SLC38A9: variants seen among roughly 807,000 people sequenced by gnomAD.
The protein encoded by SLC38A9 is neutral amino acid transporter 9.
Under a neutral mutation model 62.3 loss-of-function variants are expected in SLC38A9, and 48 were observed. That is an observed-to-expected ratio of 0.77 (90% CI 0.61 to 0.98). The LOEUF (loss-of-function observed/expected upper bound fraction) is 0.98, where lower values mean the gene tolerates loss of function less well. Ranked by LOEUF, SLC38A9 falls within the 50% of genes least tolerant of loss-of-function variation. SLC38A9 has a pLI of 0.00. For synonymous variants in SLC38A9, 204 were observed against 227.7 expected (o/e 0.90, Z 0.94); for missense variants, 541 against 679.8 (o/e 0.80, Z 2.27).
chr5:55,629,446 C>T (rs910891358), intron 14 of SLC38A9, among the ~76,000 whole-genome samples: 30 of 152,098 alleles, frequency 2.0e-4, no homozygotes, highest in Admixed American at 1.6e-3. Flanking sequence ...AGGAGTAGAA[C>T]ATTAATTTTG....
chr5:55,690,960 G>A (rs950866444), intron 3 of SLC38A9, among the ~76,000 whole-genome samples: 3 of 152,108 alleles, frequency 2.0e-5, no homozygotes, highest in Non-Finnish European at 2.9e-5. Flanking sequence ...GTACCAAAAA[G>A]AGTCAACTTA....
At chr5:55,645,644 C>T (rs776640721) in intron 12 of SLC38A9, 145 bp downstream of exon 12, 28 of 642,902 alleles carry the variant, frequency 4.4e-5, no homozygotes, top group Non-Finnish European at 6.9e-5. Context: ...AATTTGCTGA[C>T]GACTGCTCTA....
At chr5:55,694,226 C>G in intron 3 of SLC38A9, 1 of 202,782 alleles carries the variant, frequency 4.9e-6, no homozygotes, top group Non-Finnish European at 9.9e-6. Flanking sequence ...AAAAAAAAAT[C>G]ACTGTCAGCA....
At chr5:55,662,462 G>A in intron 8 of SLC38A9, among the ~76,000 whole-genome samples, 1 of 152,052 alleles carries the variant, frequency 6.6e-6, no homozygotes, top group Non-Finnish European at 1.5e-5. Context: ...ACGACGTCAG[G>A]AGATCGAGAC....
chr5:55,683,103 T>C (rs1276831880), intron 3 of SLC38A9, among the ~76,000 whole-genome samples: 1 of 152,140 alleles, frequency 6.6e-6, no homozygotes, highest in Non-Finnish European at 1.5e-5. Context: ...GCATGTAATA[T>C]AAATTTAAAA....
chr5:55,634,072 T>C (rs879509555), intron 13 of SLC38A9, 170 bp from the exon 14 acceptor site: 6 of 462,754 alleles, frequency 1.3e-5, no homozygotes, highest in Admixed American at 3.9e-5. Context: ...GAGGTAAGTA[T>C]AGAAACCGAA....
intron 2 of SLC38A9, among the ~76,000 whole-genome samples, chr5:55,709,387 T>C (rs1216414413): frequency 6.6e-6 from 1 of 152,206 alleles, no homozygotes; most frequent in African/African-American, 2.4e-5. Flanking sequence ...AGTGATTTTT[T>C]TTTTTTAACT....
Position 55,634,120 on chromosome 5 carries a change from C to T in SLC38A9, c.1282-218G>A, listed in dbSNP as rs925916415. 3 of 375,912 alleles carry T rather than the reference C, an allele frequency of 8.0e-6. No homozygotes were observed. The East Asian group carries it at 1.3e-4, about 16-fold the overall frequency. 23.3% of individuals were successfully genotyped at this position (375,912 alleles called of 1,614,324 possible). A position where few individuals can be genotyped will look rare whatever the true frequency, so the allele number is the denominator to read the frequency against. On this transcript the variant is annotated intron_variant, in intron 13 of 15. Coordinates refer to ENST00000396865, the MANE Select transcript of SLC38A9 (RefSeq NM_173514.4). ...CTTTTACAGGAATCTGACATTGCCA[C>T]AATTTTATTCTATTTTACAAAAGTA...
intron 3 of SLC38A9, among the ~76,000 whole-genome samples, chr5:55,689,964 T>C (rs1033031454): frequency 5.3e-5 from 8 of 151,864 alleles, no homozygotes; most frequent in Non-Finnish European, 8.8e-5. Flanking sequence ...CAGATTGATC[T>C]AGGAAAGAAA....
chr5:55,647,962 G>A lies in SLC38A9; in HGVS notation c.1060+1245C>T, dbSNP rs187797362. 3.1e-3 allele frequency among the ~76,000 whole-genome samples: 471 copies of A among 152,194 alleles called. 7 individuals are homozygous for A. Among genetic ancestry groups the A allele is most frequent in the African/African-American group, 0.011 (447 of 41,516 alleles). ...TGTACAGATATACCACATTTTGGCC[G>A]GGTGTGGTGGCTCACACCTGTAATC... On this transcript the variant is annotated intron_variant, in intron 11 of 15. Coordinates refer to ENST00000396865, the MANE Select transcript of SLC38A9 (RefSeq NM_173514.4).
intron 12 of SLC38A9, among the ~76,000 whole-genome samples, chr5:55,643,217 A>G (rs929979598): frequency 1.3e-5 from 2 of 152,216 alleles, no homozygotes; most frequent in African/African-American, 4.8e-5. Context: ...TTACAGCTAT[A>G]CATTTCCCTG....
At chr5:55,662,687 C>CAAAAAAAAAAAAAAAAACAAAA (rs200454419) in intron 8 of SLC38A9, among the ~76,000 whole-genome samples, 7 of 141,138 alleles carry the variant, frequency 5.0e-5, no homozygotes, top group Admixed American at 7.2e-5. Context: ...AAAAAAAAAC[C>CAAAAAAAAAAAAAAAAACAAAA]AAAAAAAAAA....
intron 10 of SLC38A9, among the ~76,000 whole-genome samples, chr5:55,650,945 C>A (rs1418159909): frequency 3.3e-5 from 5 of 152,020 alleles, no homozygotes; most frequent in African/African-American, 1.2e-4. Context: ...GCATGCGCCA[C>A]CATGCCTGGC....
chr5:55,644,005 G>GTGTGCACT (rs1745865685), intron 12 of SLC38A9, among the ~76,000 whole-genome samples: 1 of 152,078 alleles, frequency 6.6e-6, no homozygotes, highest in Non-Finnish European at 1.5e-5. Context: ...CTGTTGCTCA[G>GTGTGCACT]GCTGGAGTGC....
intron 3 of SLC38A9, among the ~76,000 whole-genome samples, chr5:55,681,562 G>A (rs2150434779): frequency 6.6e-6 from 1 of 152,310 alleles, no homozygotes; most frequent in Non-Finnish European, 1.5e-5. Flanking sequence ...GGGTTTAGGA[G>A]AGGCTGGAGA....
chr5:55,669,113 T>C, intron 7 of SLC38A9, 115 bp downstream of exon 7: 1 of 598,378 alleles, frequency 1.7e-6, no homozygotes, highest in East Asian at 3.0e-5. Context: ...GAAGTAAATC[T>C]TTAGGTACAA....
chr5:55,680,220 T>TAGAG (rs72147048), intron 3 of SLC38A9, among the ~76,000 whole-genome samples: 1,383 of 90,742 alleles, frequency 0.015, 16 homozygotes, highest in Admixed American at 0.014. Context: ...TATATCTATA[T>TAGAG]ATATATAGAG....
Position 55,630,911 on chromosome 5 carries a change from C to T in SLC38A9, c.1430+2843G>A, listed in dbSNP as rs187085891. On this transcript the variant is annotated intron_variant, in intron 14 of 15. Transcript: ENST00000396865. ...CTTTGGGAGGCTGAGGCAGGCAGAT[C>T]ACCTGAGGTCAGGAGTTCAAGACCA... is the stretch of plus-strand genomic sequence containing the variant. Among the ~76,000 whole-genome samples, 563 of 152,170 alleles carry T rather than the reference C, an allele frequency of 3.7e-3. 3 individuals are homozygous for T. Among genetic ancestry groups the T allele is most frequent in the Non-Finnish European group, 4.2e-3 (285 of 68,000 alleles).
At chr5:55,698,104 T>C (rs1033156296) in intron 2 of SLC38A9, 112 bp from the exon 3 acceptor site, 41 of 523,348 alleles carry the variant, frequency 7.8e-5, no homozygotes, top group African/African-American at 7.5e-4. Flanking sequence ...GCTGAAGATA[T>C]CTTAATGAGG....
Sources: allele counts gnomAD v4.1 joint callset (sites outside exome capture counted in the v4.1 genomes callset), GRCh38; gene constraint gnomAD v4.1.1; transcripts MANE v1.5; gene names NCBI Gene and HGNC (gene_info 2026-07-23, HGNC 2026-07-21).